Variants in IVNS1ABP observed in about 807,000 individuals in gnomAD.
IVNS1ABP encodes influenza virus NS1A binding protein.
Under a neutral mutation model 78.9 loss-of-function variants are expected in IVNS1ABP, and 25 were observed. That is an observed-to-expected ratio of 0.32 (90% CI 0.23 to 0.44). The LOEUF (loss-of-function observed/expected upper bound fraction) is 0.44. Among genes scored for constraint, IVNS1ABP ranks in the 20% least tolerant of loss-of-function variants. The pLI is 1.00. For synonymous variants in IVNS1ABP, 241 were observed against 259.7 expected (o/e 0.93, Z 0.69); for missense variants, 494 against 768.9 (o/e 0.64, Z 4.23).
At chr1:185,307,205 T>A in intron 6 of IVNS1ABP, 66 bp from the exon 7 acceptor site, 1 of 1,568,006 alleles carries the variant, frequency 6.4e-7, no homozygotes, top group Non-Finnish European at 8.7e-7. Context: ...TAATTCCCAA[T>A]TTCATAATAA....
At chr1:185,309,603 A>G (rs1665832416) in intron 2 of IVNS1ABP, 92 bp from the exon 3 acceptor site, 1 of 688,282 alleles carries the variant, frequency 1.5e-6, no homozygotes, top group Admixed American at 2.9e-5. Context: ...CTTTATTCTC[A>G]AATTCCATCC....
rs998395558 is a variant in IVNS1ABP, at chr1:185,309,582, T to A, written c.-18-71A>T. ...GTTTTAAAAATATAATGCTAAAGAG[T>A]AATACAGTCTCTTTATTCTCAAATT... On this transcript the variant is annotated intron_variant, in intron 2 of 14. Coordinates refer to ENST00000367498, the MANE Select transcript of IVNS1ABP (RefSeq NM_006469.5). 1.2e-5 allele frequency: 9 copies of A among 754,090 alleles called. No homozygotes were observed. The Admixed American group carries it at 2.2e-4, about 19-fold the overall frequency. The allele number at this position is 754,090 out of a possible 1,614,324, so 46.7% of individuals were successfully genotyped here. A position where few individuals can be genotyped will look rare whatever the true frequency, so the allele number is the denominator to read the frequency against.
rs560229846 is a variant in IVNS1ABP, at chr1:185,305,971, T to C, written c.658-328A>G. The C allele has an allele frequency of 4.7e-4, 103 of 220,726 alleles. No homozygotes were observed. Among genetic ancestry groups the C allele is most frequent in the Non-Finnish European group, 8.3e-4 (91 of 109,394 alleles). The allele number at this position is 220,726 out of a possible 1,614,324, so 13.7% of individuals were successfully genotyped here. Reference sequence around the variant, plus strand: ...AAAAGCACTAGTACAATATATACTCTTAAAGAATATACATATTTACAATAA... The same window carrying C: ...AAAAGCACTAGTACAATATATACTCCTAAAGAATATACATATTTACAATAA... On this transcript the variant is annotated intron_variant, in intron 7 of 14. Coordinates refer to ENST00000367498, the MANE Select transcript of IVNS1ABP (RefSeq NM_006469.5). The surrounding 1 kb of genome is among the most constrained non-coding windows in gnomAD (Gnocchi z 4.0).
Position 185,305,467 on chromosome 1 carries a change from T to C in IVNS1ABP, c.765+69A>G, listed in dbSNP as rs1665716661. ...TCCACTTTCCTTTATTAAAGGAAAATTTAAGTATGCTATCAAATTCTCTAG... is the reference window on the plus strand; with the variant it reads ...TCCACTTTCCTTTATTAAAGGAAAACTTAAGTATGCTATCAAATTCTCTAG... On this transcript the variant is annotated intron_variant, in intron 8 of 14. Transcript: ENST00000367498. The surrounding 1 kb of genome is among the most constrained non-coding windows in gnomAD (Gnocchi z 4.0). The C allele has an allele frequency of 7.0e-6, 11 of 1,565,164 alleles. No homozygotes were observed. In the Middle Eastern group the frequency reaches 8.5e-4, roughly 121 times the overall value.
At chr1:185,315,284 A>T (rs1665985741) in intron 1 of IVNS1ABP, among the ~76,000 whole-genome samples, 1 of 152,250 alleles carries the variant, frequency 6.6e-6, no homozygotes, top group Non-Finnish European at 1.5e-5. Context: ...ACCATCTAAC[A>T]AATCCTTCAA....
At chr1:185,308,081 C>T (rs1571746692) in intron 5 of IVNS1ABP, 1 of 1,530,140 alleles carries the variant, frequency 6.5e-7, no homozygotes, top group Non-Finnish European at 8.8e-7. Flanking sequence ...AAGACAGCAA[C>T]TATATAAGGG....
chr1:185,303,130 A>T (rs752368764), intron 8 of IVNS1ABP, among the ~76,000 whole-genome samples: 5 of 152,120 alleles, frequency 3.3e-5, no homozygotes, highest in Non-Finnish European at 5.9e-5. Context: ...AAATATCACA[A>T]ATGGATGATG....
At chr1:185,314,885 G>C (rs918201951) in intron 1 of IVNS1ABP, among the ~76,000 whole-genome samples, 2 of 151,936 alleles carry the variant, frequency 1.3e-5, no homozygotes, top group African/African-American at 4.8e-5. Flanking sequence ...GGAAGAATTT[G>C]GTTTGAGACG....
intron 8 of IVNS1ABP, chr1:185,301,856 A>G (rs1665610149): frequency 4.8e-6 from 1 of 207,876 alleles, no homozygotes; most frequent in African/African-American, 2.3e-5. Flanking sequence ...AGAAAAAACC[A>G]ATCTATAATT....
rs78604648 is a variant in IVNS1ABP at position 185,298,539 on chromosome 1, G to A, written c.1676-251C>T. The A allele has an allele frequency of 1.7e-3, 839 of 498,604 alleles. 6 individuals carry two copies. The highest frequency in any genetic ancestry group is 0.015 in the African/African-American group (759 of 51,536). The allele number at this position is 498,604 out of a possible 1,614,324, so 30.9% of individuals were successfully genotyped here. On this transcript the variant is annotated intron_variant, in intron 14 of 14. Coordinates refer to ENST00000367498, the MANE Select transcript of IVNS1ABP (RefSeq NM_006469.5). The surrounding 1 kb of genome is among the most constrained non-coding windows in gnomAD (Gnocchi z 4.1). ...GGGGGAGGGAGAGGAAGCAGTAGCAGCATCTAAATAAGTACAATTTTCACC... is the reference window on the plus strand; with the variant it reads ...GGGGGAGGGAGAGGAAGCAGTAGCAACATCTAAATAAGTACAATTTTCACC...
chr1:185,307,180 T>A, intron 6 of IVNS1ABP, 41 bp from the exon 7 acceptor site: 1 of 1,600,916 alleles, frequency 6.2e-7, no homozygotes, highest in Non-Finnish European at 8.5e-7. Flanking sequence ...AGTGTTGGGC[T>A]CCTAGTTCTC....
At chr1:185,303,251 C>G (rs979715460) in intron 8 of IVNS1ABP, among the ~76,000 whole-genome samples, 20 of 152,040 alleles carry the variant, frequency 1.3e-4, no homozygotes, top group Admixed American at 6.6e-5. Context: ...AATAACAAGC[C>G]TAATATAGAA....
chr1:185,316,382 G>A (rs989540505), intron 1 of IVNS1ABP, among the ~76,000 whole-genome samples: 1 of 152,188 alleles, frequency 6.6e-6, no homozygotes, highest in Non-Finnish European at 1.5e-5. Context: ...CGTGGAGCGG[G>A]AACAAAGGAC....
At position 185,307,577 on chromosome 1, in the gene IVNS1ABP, C is replaced by T. The variant is rs1665771326; in HGVS notation, c.443G>A (p.Arg148His). ...RNFASCMGDS[R>H]LLNKVDAYIQ... ...ATAAGCATCAACCTTATTCAACAAA[C>T]GGGAGTCTCCCATACAACTTGCAAA... The change falls in exon 6 of 15, where the codon CGT (arginine) becomes CAT (histidine). Residue 148 changes from arginine to histidine, a missense_variant. By Grantham distance (29) the Arg-to-His change is conservative. Coordinates refer to ENST00000367498, the MANE Select transcript of IVNS1ABP (RefSeq NM_006469.5). 1.9e-6 allele frequency: 3 copies of T among 1,613,504 alleles called. No individual in the cohort carries two copies. Among genetic ancestry groups the T allele is most frequent in the Non-Finnish European group, 2.5e-6 (3 of 1,179,598 alleles).
chr1:185,301,810 T>C (rs1665608628), intron 8 of IVNS1ABP: 1 of 283,586 alleles, frequency 3.5e-6, no homozygotes, highest in Non-Finnish European at 6.6e-6. Context: ...GTTTTAACAA[T>C]TTGAAAAACA....
At chr1:185,303,577 G>A (rs1404707872) in intron 8 of IVNS1ABP, among the ~76,000 whole-genome samples, 1 of 151,830 alleles carries the variant, frequency 6.6e-6, no homozygotes, top group Admixed American at 6.6e-5. Flanking sequence ...CCCTAATCTT[G>A]CTAAGCAATC....
At chr1:185,306,775 T>G in intron 7 of IVNS1ABP, 1 of 660,444 alleles carries the variant, frequency 1.5e-6, no homozygotes, top group Non-Finnish European at 2.2e-6. Flanking sequence ...ACATGCTACT[T>G]TAAAGAAAGT....
Position 185,296,523 on chromosome 1 carries a change from G to C in IVNS1ABP, c.*1512C>G, listed in dbSNP as rs1665422348. 1 of 152,092 alleles carries C rather than the reference G, an allele frequency of 6.6e-6. No homozygotes were observed. Among genetic ancestry groups the C allele is most frequent in the African/African-American group, 2.4e-5 (1 of 41,416 alleles). 9.4% of individuals were successfully genotyped at this position (152,092 alleles called of 1,614,324 possible). A position where few individuals can be genotyped will look rare whatever the true frequency, so the allele number is the denominator to read the frequency against. On this transcript the variant is annotated 3_prime_UTR_variant, in exon 15 of 15. Coordinates refer to ENST00000367498, the MANE Select transcript of IVNS1ABP (RefSeq NM_006469.5). The stretch of plus-strand genomic sequence containing the variant: ...AGTTTTAGTCCAGAACCAAACCAGT[G>C]ATAGTTAGGAATTACAGAGTTACCA...
In IVNS1ABP at chr1:185,305,879, G is replaced by A. The variant is rs72724134; in HGVS notation, c.658-236C>T. 0.055 allele frequency: 24,924 copies of A among 449,960 alleles called. 953 individuals are homozygous for A. Among genetic ancestry groups the A allele is most frequent in the Middle Eastern group, 0.074 (122 of 1,640 alleles). The allele number at this position is 449,960 out of a possible 1,614,324, so 27.9% of individuals were successfully genotyped here. On this transcript the variant is annotated intron_variant, in intron 7 of 14. Coordinates refer to ENST00000367498, the MANE Select transcript of IVNS1ABP (RefSeq NM_006469.5). This position sits in a 1 kb window ranked among gnomAD's most constrained non-coding sequence, Gnocchi z 4.0. ...ATCTTCCAATACTGGCTGAAGAGTC[G>A]TTGGCTTGATTGGCTTGAAAGAAAT...
Sources: allele counts gnomAD v4.1 joint callset (sites outside exome capture counted in the v4.1 genomes callset), GRCh38; gene constraint gnomAD v4.1.1; non-coding constraint Gnocchi (gnomAD v3.1); transcripts MANE v1.5; gene names NCBI Gene and HGNC (gene_info 2026-07-23, HGNC 2026-07-21).